Variants in IDH3A observed in about 807,000 individuals in gnomAD.
IDH3A encodes the protein isocitrate dehydrogenase [NAD] subunit alpha, mitochondrial.
Under a neutral mutation model 43.3 loss-of-function variants are expected in IDH3A, and 23 were observed. The ratio of observed to expected loss-of-function variants is 0.53; its 90% CI spans 0.38 to 0.75. The LOEUF (loss-of-function observed/expected upper bound fraction) is 0.75. IDH3A is among the 30% of genes least tolerant of loss of function. IDH3A has a pLI of 0.00. For synonymous variants in IDH3A, 154 were observed against 163.5 expected (o/e 0.94, Z 0.44); for missense variants, 329 against 474.4 (o/e 0.69, Z 2.85).
rs1431062993 is a variant in IDH3A, at chr15:78,158,822, TTTTTTA to T, written c.174+1199_174+1204del. 5.3e-5 allele frequency among the ~76,000 whole-genome samples: 8 copies of T among 151,876 alleles called. No homozygotes were observed. In the South Asian group the frequency reaches 1.5e-3, roughly 28 times the overall value. ...TTATGGAGATATCATTCATCCTTTA[TTTTTTA>T]TTTTTATGTTTCATTTGTTTTGAGA... is the stretch of plus-strand genomic sequence containing the variant. On this transcript the variant is annotated intron_variant, in intron 3 of 10. Coordinates refer to ENST00000299518, the MANE Select transcript of IDH3A (RefSeq NM_005530.3).
intron 6 of IDH3A, among the ~76,000 whole-genome samples, chr15:78,163,263 AAT>A (rs1255503495): frequency 1.3e-5 from 2 of 152,238 alleles, no homozygotes; most frequent in Non-Finnish European, 1.5e-5. Flanking sequence ...ACACTATAAA[AAT>A]ATAGTCTTCT....
intron 6 of IDH3A, among the ~76,000 whole-genome samples, chr15:78,162,942 G>A (rs1006550817): frequency 6.6e-6 from 1 of 152,228 alleles, no homozygotes; most frequent in African/African-American, 2.4e-5. Context: ...GAAGGACTGA[G>A]GGTTATCAGG....
At chr15:78,166,808 T>G (rs1460579308) in intron 10 of IDH3A, among the ~76,000 whole-genome samples, 2 of 152,124 alleles carry the variant, frequency 1.3e-5, no homozygotes, top group African/African-American at 4.8e-5. Context: ...ATTTTTGTAT[T>G]TTTAGTAGAG....
intron 2 of IDH3A, among the ~76,000 whole-genome samples, chr15:78,156,431 C>T (rs960138879): frequency 1.3e-5 from 2 of 152,084 alleles, no homozygotes; most frequent in African/African-American, 4.8e-5. Context: ...TGTGATCACA[C>T]CTGTGAGTAG....
At chr15:78,162,090 T>C (rs1349351769) in intron 5 of IDH3A, 144 bp from the exon 6 acceptor site, 9 of 784,242 alleles carry the variant, frequency 1.1e-5, no homozygotes, top group Admixed American at 6.7e-5. Flanking sequence ...ATGAACCCCA[T>C]TGTCGTAGCA....
At position 78,161,814 on chromosome 15, in the gene IDH3A, C is replaced by T. The variant is rs1779406708; in HGVS notation, c.477+46C>T. 1.3e-6 allele frequency: 2 copies of T among 1,521,802 alleles called. No individual in the cohort carries two copies. Among genetic ancestry groups the T allele is most frequent in the Non-Finnish European group, 9.1e-7 (1 of 1,099,622 alleles). 94.3% of individuals were successfully genotyped at this position (1,521,802 alleles called of 1,614,324 possible). On this transcript the variant is annotated intron_variant, in intron 5 of 10. Coordinates refer to ENST00000299518, the MANE Select transcript of IDH3A (RefSeq NM_005530.3). This position sits in a 1 kb window ranked among gnomAD's most constrained non-coding sequence, Gnocchi z 4.8. ...TTTTTATTCCTGCTTGGACTGCTTT[C>T]TGTGCATCTGGGACCCCAGAGACAG...
chr15:78,160,769 C>G (rs2074673984), intron 4 of IDH3A, among the ~76,000 whole-genome samples: 1 of 152,232 alleles, frequency 6.6e-6, no homozygotes, highest in African/African-American at 2.4e-5. Flanking sequence ...GCTGGGATTA[C>G]AGGCCTGACT....
At position 78,160,151 on chromosome 15, in the gene IDH3A, G is replaced by A; in HGVS notation, c.234G>A (p.Trp78Ter). The change falls in exon 4 of 11, where the codon TGG becomes TGA. Residue 78 changes from tryptophan to a stop codon, truncating the protein, a stop_gained. Coordinates refer to ENST00000299518, the MANE Select transcript of IDH3A (RefSeq NM_005530.3). LOFTEE classifies it high-confidence loss of function. ...VTAIQGPGGK[W>*]MIPSEAKESM... ...CCATTCAAGGACCTGGAGGAAAGTG[G>A]ATGATCCCTTCAGAGGCTAAAGAGT... is the stretch of plus-strand genomic sequence containing the variant. The A allele has an allele frequency of 6.2e-7, 1 of 1,613,866 alleles. No homozygotes were observed. Among genetic ancestry groups the A allele is most frequent in the Non-Finnish European group, 8.5e-7 (1 of 1,179,756 alleles).
intron 9 of IDH3A, 112 bp downstream of exon 9, chr15:78,165,188 AATG>A: frequency 1.4e-6 from 1 of 724,204 alleles, no homozygotes; most frequent in African/African-American, 2.3e-5. Flanking sequence ...GTCAAAACAA[AATG>A]ATGCTTTTTT....
intron 1 of IDH3A, among the ~76,000 whole-genome samples, chr15:78,153,768 C>T (rs927689950): frequency 6.6e-6 from 1 of 152,058 alleles, no homozygotes; most frequent in Non-Finnish European, 1.5e-5. Flanking sequence ...CCTGTAATCC[C>T]AGCACTTTGG....
intron 8 of IDH3A, among the ~76,000 whole-genome samples, chr15:78,164,313 G>A (rs1362237192): frequency 1.7e-5 from 2 of 118,334 alleles, no homozygotes; most frequent in East Asian, 4.6e-4. Context: ...CTCCCCCCCC[G>A]ACACACACAG....
At chr15:78,156,005 C>A (rs1164388987) in intron 2 of IDH3A, among the ~76,000 whole-genome samples, 2 of 152,068 alleles carry the variant, frequency 1.3e-5, no homozygotes, top group African/African-American at 4.8e-5. Context: ...ACATTTTTTC[C>A]TCCATTTACT....
chr15:78,160,719 C>T (rs2074673479), intron 4 of IDH3A, among the ~76,000 whole-genome samples: 1 of 152,162 alleles, frequency 6.6e-6, no homozygotes, highest in Non-Finnish European at 1.5e-5. Context: ...ATCTGGAATA[C>T]CTAAGCTCAA....
rs1176299299 is a variant in IDH3A, at chr15:78,169,263, G to A, written c.*258G>A. 1 of 294,800 alleles carries A rather than the reference G, an allele frequency of 3.4e-6. No individual in the cohort carries two copies. 18.3% of individuals were successfully genotyped at this position (294,800 alleles called of 1,614,324 possible). A position where few individuals can be genotyped will look rare whatever the true frequency, so the allele number is the denominator to read the frequency against. ...ATGTTTTTTTTGTAAACTCTGAGTG[G>A]ACTGTATCATTTGCTATTCTAAACC... is the stretch of plus-strand genomic sequence containing the variant. On this transcript the variant is annotated 3_prime_UTR_variant, in exon 11 of 11. Transcript: ENST00000299518.
intron 1 of IDH3A, among the ~76,000 whole-genome samples, chr15:78,153,037 C>T (rs899988933): frequency 3.9e-5 from 6 of 151,920 alleles, no homozygotes. Flanking sequence ...CATTGCTGCC[C>T]CCAGCATATG....
At chr15:78,152,839 C>T (rs1161948433) in intron 1 of IDH3A, among the ~76,000 whole-genome samples, 1 of 152,080 alleles carries the variant, frequency 6.6e-6, no homozygotes, top group Non-Finnish European at 1.5e-5. Flanking sequence ...AAGATCATTG[C>T]AAGTATTAAG....
At position 78,171,356 on chromosome 15, in the gene IDH3A, T is replaced by C. The variant is rs535264699; in HGVS notation, c.*2351T>C. ...ATCTAACAGACTTGGCAGAAATGCC[T>C]GTGCCCAGACTGAAGAGACCTGGGG... On this transcript the variant is annotated 3_prime_UTR_variant, in exon 11 of 11. Coordinates refer to ENST00000299518, the MANE Select transcript of IDH3A (RefSeq NM_005530.3). 6.8e-5 allele frequency: 76 copies of C among 1,111,928 alleles called. No individual in the cohort carries two copies. The highest frequency in any genetic ancestry group is 1.4e-4 in the South Asian group (10 of 72,206). The allele number at this position is 1,111,928 out of a possible 1,614,324, so 68.9% of individuals were successfully genotyped here.
chr15:78,149,727 G>A (rs1464846799), intron 1 of IDH3A, among the ~76,000 whole-genome samples: 1 of 152,222 alleles, frequency 6.6e-6, no homozygotes, highest in Non-Finnish European at 1.5e-5. Flanking sequence ...ACCCGCATCC[G>A]CCCAGGCCAG....
chr15:78,162,434 C>T, intron 6 of IDH3A, 67 bp downstream of exon 6: 1 of 1,556,586 alleles, frequency 6.4e-7, no homozygotes, highest in Non-Finnish European at 8.8e-7. Context: ...CAGGGCTTCC[C>T]TTTCTCCTCT....
Sources: allele counts gnomAD v4.1 joint callset (sites outside exome capture counted in the v4.1 genomes callset), GRCh38; gene constraint gnomAD v4.1.1; non-coding constraint Gnocchi (gnomAD v3.1); transcripts MANE v1.5; gene names NCBI Gene and HGNC (gene_info 2026-07-23, HGNC 2026-07-21).